HHIPL1: variants seen among roughly 807,000 people sequenced by gnomAD.
HHIPL1 encodes the protein HHIP-like protein 1.
Under a neutral mutation model 61.8 loss-of-function variants are expected in HHIPL1, and 43 were observed. The observed-to-expected ratio is 0.70, with a 90% CI of 0.55 to 0.90. The LOEUF (loss-of-function observed/expected upper bound fraction) is 0.90. Ranked by LOEUF, HHIPL1 falls within the 40% of genes least tolerant of loss-of-function variation. The pLI is 0.00. For missense variants in HHIPL1, 1,056 were observed against 1,157.7 expected, an observed-to-expected ratio of 0.91 and a Z score of 1.28; for synonymous variants, 482 against 515.8, an observed-to-expected ratio of 0.93 and a Z score of 0.89.
chr14:99,657,239 T>C lies in HHIPL1; in HGVS notation c.1046+96T>C, dbSNP rs1010521725. 1.1e-5 allele frequency: 16 copies of C among 1,403,946 alleles called. No homozygotes were observed. In the African/African-American group the frequency reaches 1.2e-4, roughly 10 times the overall value. The allele number at this position is 1,403,946 out of a possible 1,614,324, so 87.0% of individuals were successfully genotyped here. A position where few individuals can be genotyped will look rare whatever the true frequency, so the allele number is the denominator to read the frequency against. On this transcript the variant is annotated intron_variant, in intron 3 of 8. Transcript: ENST00000330710. ...GTGAGTTCCTTCCTCGGCCAGGCAT[T>C]GTAGGGCAGGAGAAAAGGTTCTGGG...
the HHIPL1 span, among the ~76,000 whole-genome samples, chr14:99,614,539 C>T: frequency 2.0e-5 from 3 of 152,204 alleles, no homozygotes; most frequent in Non-Finnish European, 2.9e-5. Flanking sequence ...TGCAGATGCT[C>T]AGGTCCCACC....
At chr14:99,645,519 C>T in intron 1 of HHIPL1, 57 bp downstream of exon 1, 1 of 1,247,764 alleles carries the variant, frequency 8.0e-7, no homozygotes, top group Non-Finnish European at 1.0e-6. Flanking sequence ...AGTCCTGGAG[C>T]AGAGATCGGA....
At chr14:99,637,675 A>T in the HHIPL1 span, among the ~76,000 whole-genome samples, 1 of 152,230 alleles carries the variant, frequency 6.6e-6, no homozygotes, top group African/African-American at 2.4e-5. Context: ...ACCTGCACAC[A>T]GTCGCCTTCA....
chr14:99,631,107 T>TCTTTCTTC, the HHIPL1 span, among the ~76,000 whole-genome samples: 1 of 137,138 alleles, frequency 7.3e-6, no homozygotes, highest in Non-Finnish European at 1.6e-5. Flanking sequence ...TTTCTTTCTT[T>TCTTTCTTC]CTCTCTCTTT....
the HHIPL1 span, among the ~76,000 whole-genome samples, chr14:99,631,124 TTC>T: frequency 4.6e-3 from 683 of 146,882 alleles, 12 homozygotes; most frequent in African/African-American, 0.017. Context: ...CTTTCTTTCT[TTC>T]TTTTTTTTTT....
chr14:99,636,647 A>C, the HHIPL1 span, among the ~76,000 whole-genome samples: 1 of 152,018 alleles, frequency 6.6e-6, no homozygotes, highest in African/African-American at 2.4e-5. Flanking sequence ...GTGTAGACGA[A>C]TCTCCAACAC....
chr14:99,612,628 C>A, the HHIPL1 span, among the ~76,000 whole-genome samples: 2 of 152,186 alleles, frequency 1.3e-5, no homozygotes, highest in Non-Finnish European at 2.9e-5. Flanking sequence ...CCCAGCTGTG[C>A]ACTTCTGTAA....
chr14:99,637,119 GAAAA>G, the HHIPL1 span, among the ~76,000 whole-genome samples: 9 of 137,040 alleles, frequency 6.6e-5, no homozygotes, highest in African/African-American at 2.4e-4. Context: ...AAGAAAGAAA[GAAAA>G]GAAAGAGAGA....
chr14:99,604,764 C>G, the HHIPL1 span: 1 of 152,320 alleles, frequency 6.6e-6, no homozygotes, highest in Non-Finnish European at 1.5e-5. Flanking sequence ...ACGATCCGGG[C>G]GACGGCGCCC....
chr14:99,660,439 G>A lies in HHIPL1; in HGVS notation c.1502+33G>A. On this transcript the variant is annotated intron_variant, in intron 5 of 8. Coordinates refer to ENST00000330710, the MANE Select transcript of HHIPL1 (RefSeq NM_001127258.3). The surrounding 1 kb of genome is among the most constrained non-coding windows in gnomAD (Gnocchi z 4.9). ...ACCTAGTGCCCTCGCGCCCCTGGCT[G>A]CTGCCACTGGCTCCTTGGGACTGGC... 1 of 1,594,216 alleles carries A rather than the reference G, an allele frequency of 6.3e-7. No individual in the cohort carries two copies. The highest frequency in any genetic ancestry group is 1.1e-5 in the South Asian group (1 of 88,586).
Position 99,675,979 on chromosome 14 carries a change from G to A in HHIPL1, c.*353G>A. 3.8e-6 allele frequency: 1 copy of A among 262,730 alleles called. No individual in the cohort carries two copies. 16.3% of individuals were successfully genotyped at this position (262,730 alleles called of 1,614,324 possible). On this transcript the variant is annotated 3_prime_UTR_variant, in exon 9 of 9. Coordinates refer to ENST00000330710, the MANE Select transcript of HHIPL1 (RefSeq NM_001127258.3). The surrounding 1 kb of genome is among the most constrained non-coding windows in gnomAD (Gnocchi z 5.4). The stretch of plus-strand genomic sequence containing the variant: ...TCGAGGACGGACATGGCCCCTGGCT[G>A]TGCTAACAGAGGCACAGCTTGCAGA...
chr14:99,622,968 T>G, the HHIPL1 span, among the ~76,000 whole-genome samples: 1 of 152,182 alleles, frequency 6.6e-6, no homozygotes, highest in Non-Finnish European at 1.5e-5. Context: ...ACAGAGACAG[T>G]GCAAAGTGCC....
rs2056387271 is a variant in HHIPL1, at chr14:99,675,941, G to C, written c.*315G>C. On this transcript the variant is annotated 3_prime_UTR_variant, in exon 9 of 9. Transcript: ENST00000330710. This position sits in a 1 kb window ranked among gnomAD's most constrained non-coding sequence, Gnocchi z 5.4. ...CGGGCTGTGGGACCCTGAGGAGGGA[G>C]GGCAGCCAGGCTTCGAGGACGGACA... The C allele has an allele frequency of 3.0e-6, 1 of 333,730 alleles. No individual in the cohort carries two copies. The highest frequency in any genetic ancestry group is 1.2e-4 in the South Asian group (1 of 8,592). The allele number at this position is 333,730 out of a possible 1,614,324, so 20.7% of individuals were successfully genotyped here. A position where few individuals can be genotyped will look rare whatever the true frequency, so the allele number is the denominator to read the frequency against.
At chr14:99,608,211 G>T in the HHIPL1 span, among the ~76,000 whole-genome samples, 1 of 151,892 alleles carries the variant, frequency 6.6e-6, no homozygotes, top group Non-Finnish European at 1.5e-5. Context: ...GAGGTTGAGC[G>T]ATGGAGCTGG....
At position 99,677,012 on chromosome 14, in the gene HHIPL1, G is replaced by A. The variant is rs2056399013; in HGVS notation, c.*1386G>A. 6.6e-6 allele frequency: 1 copy of A among 152,502 alleles called. No individual in the cohort carries two copies. Among genetic ancestry groups the A allele is most frequent in the East Asian group, 1.9e-4 (1 of 5,196 alleles). The allele number at this position is 152,502 out of a possible 1,614,324, so 9.4% of individuals were successfully genotyped here. A position where few individuals can be genotyped will look rare whatever the true frequency, so the allele number is the denominator to read the frequency against. On this transcript the variant is annotated 3_prime_UTR_variant, in exon 9 of 9. Coordinates refer to ENST00000330710, the MANE Select transcript of HHIPL1 (RefSeq NM_001127258.3). The surrounding 1 kb of genome is among the most constrained non-coding windows in gnomAD (Gnocchi z 4.3). Reference sequence around the variant, plus strand: ...AGGGGGTGATGCTGTGCCAAGTTCTGGGAGCTGGCACCAGGGGTGGCTGGG... The same window carrying A: ...AGGGGGTGATGCTGTGCCAAGTTCTAGGAGCTGGCACCAGGGGTGGCTGGG...
In HHIPL1 at chr14:99,652,619, G is replaced by A; in HGVS notation, c.651G>A (p.Leu217=). Residue 217 remains leucine (L), a synonymous_variant, in exon 2 of 9, where the codon CTG becomes CTA. Transcript: ENST00000330710. ...HRFFVAEQVG[L]VWAYLPDRSR... ...TCTTCGTGGCCGAGCAGGTGGGGCT[G>A]GTGTGGGCCTACCTGCCCGACCGCT... 4 of 1,613,548 alleles carry A rather than the reference G, an allele frequency of 2.5e-6. No individual in the cohort carries two copies. Among genetic ancestry groups the A allele is most frequent in the South Asian group, 2.2e-5 (2 of 91,034 alleles).
chr14:99,610,989 G>A, the HHIPL1 span, among the ~76,000 whole-genome samples: 6 of 152,204 alleles, frequency 3.9e-5, no homozygotes, highest in Admixed American at 1.3e-4. Context: ...CCCATTTGAC[G>A]GAAGTAGTAC....
In HHIPL1 at chr14:99,660,432, CCT is replaced by C. The variant is rs1185223497; in HGVS notation, c.1502+27_1502+28del. 1 of 1,598,468 alleles carries C rather than the reference CCT, an allele frequency of 6.3e-7. No individual in the cohort carries two copies. Among genetic ancestry groups the C allele is most frequent in the Non-Finnish European group, 8.6e-7 (1 of 1,169,494 alleles). ...GTAAGTGACCTAGTGCCCTCGCGCCCCTGGCTGCTGCCACTGGCTCCTTGGGA... is the reference window on the plus strand; with the variant it reads ...GTAAGTGACCTAGTGCCCTCGCGCCCGGCTGCTGCCACTGGCTCCTTGGGA... On this transcript the variant is annotated intron_variant, in intron 5 of 8. Transcript: ENST00000330710. The surrounding 1 kb of genome is among the most constrained non-coding windows in gnomAD (Gnocchi z 4.9).
chr14:99,664,016 A>G (rs927278816), intron 6 of HHIPL1, among the ~76,000 whole-genome samples: 2 of 152,204 alleles, frequency 1.3e-5, no homozygotes, highest in Non-Finnish European at 2.9e-5. Flanking sequence ...CTTGCCGGTT[A>G]GTGGGTCCTG....
Sources: allele counts gnomAD v4.1 joint callset (sites outside exome capture counted in the v4.1 genomes callset), GRCh38; gene constraint gnomAD v4.1.1; non-coding constraint Gnocchi (gnomAD v3.1); transcripts MANE v1.5; gene names NCBI Gene and HGNC (gene_info 2026-07-23, HGNC 2026-07-21).